The following DEUP1 variants were observed in gnomAD, a reference collection of about 807,000 sequenced individuals.
The protein encoded by DEUP1 is coiled-coil domain containing 67.
In DEUP1, 82 loss-of-function variants were observed where a neutral mutation model predicts 87.4. The observed-to-expected ratio is 0.94, with a 90% CI of 0.78 to 1.13. The LOEUF (loss-of-function observed/expected upper bound fraction) is 1.13, where lower values mean the gene tolerates loss of function less well. Among genes scored for constraint, DEUP1 ranks in the 50% most tolerant of loss-of-function variants. The pLI is 0.00. For missense variants in DEUP1, 663 were observed against 681.5 expected (o/e 0.97, Z 0.30); for synonymous variants, 214 against 222.7 (o/e 0.96, Z 0.35).
chr11:93,385,996 T>G (rs372222926), intron 8 of DEUP1, among the ~76,000 whole-genome samples: 26 of 151,682 alleles, frequency 1.7e-4, no homozygotes, highest in African/African-American at 4.4e-4. Context: ...AAGGTTGCAG[T>G]GAGCTGTGAT....
In DEUP1 at chr11:93,416,750, C is replaced by A. The variant is rs944448286; in HGVS notation, c.1638+1636C>A. Reference sequence around the variant, plus strand: ...AAATAAGAGAATTTTAGACCAATATCCTTGATAAACATTGATGCAAAAATC... The same window carrying A: ...AAATAAGAGAATTTTAGACCAATATACTTGATAAACATTGATGCAAAAATC... On this transcript the variant is annotated intron_variant, in intron 13 of 13. Transcript: ENST00000298050. 4.6e-5 allele frequency among the ~76,000 whole-genome samples: 7 copies of A among 151,222 alleles called. No homozygotes were observed. In the South Asian group the frequency reaches 1.5e-3, roughly 32 times the overall value.
At chr11:93,357,706 T>A (rs1259483087) in intron 4 of DEUP1, among the ~76,000 whole-genome samples, 2 of 152,186 alleles carry the variant, frequency 1.3e-5, no homozygotes, top group Non-Finnish European at 2.9e-5. Flanking sequence ...GGTTTGATTA[T>A]GAAATTTTAC....
At chr11:93,344,468 C>T (rs1160511089) in intron 2 of DEUP1, among the ~76,000 whole-genome samples, 2 of 151,658 alleles carry the variant, frequency 1.3e-5, no homozygotes, top group South Asian at 2.1e-4. Flanking sequence ...ATGACATAGT[C>T]TCCTGTCTCT....
At chr11:93,348,086 T>C (rs1337131860) in intron 2 of DEUP1, among the ~76,000 whole-genome samples, 1 of 152,156 alleles carries the variant, frequency 6.6e-6, no homozygotes, top group East Asian at 1.9e-4. Flanking sequence ...GATGTATGTG[T>C]CCAGAAATTA....
Position 93,355,544 on chromosome 11 carries a change from T to TACTG in DEUP1, c.201+4_201+7dup, listed in dbSNP as rs766618413. The TACTG allele has an allele frequency of 8.1e-6, 13 of 1,611,354 alleles. No individual in the cohort carries two copies. The African/African-American group carries it at 1.2e-4, about 15-fold the overall frequency. On this transcript the variant is annotated splice_region_variant and intron_variant, in intron 3 of 13. Transcript: ENST00000298050. ...TGTTTGGATCAGAAAGGTCAAGAGG[T>TACTG]ACTGAATACATATGTTAACAAATTG...
intron 13 of DEUP1, among the ~76,000 whole-genome samples, chr11:93,426,994 T>TAAAAAAAAAA (rs1157644297): frequency 1.4e-3 from 4 of 2,912 alleles, no homozygotes; most frequent in African/African-American, 4.6e-3. Context: ...TAGAGTATAA[T>TAAAAAAAAAA]AAAAAAAAAA....
At chr11:93,336,512 A>G (rs2134148110) in intron 2 of DEUP1, among the ~76,000 whole-genome samples, 1 of 152,282 alleles carries the variant, frequency 6.6e-6, no homozygotes, top group South Asian at 2.1e-4. Context: ...TCTCAGGCTA[A>G]TCAGATTCCA....
At chr11:93,378,327 G>T (rs1946138113) in intron 7 of DEUP1, among the ~76,000 whole-genome samples, 1 of 151,950 alleles carries the variant, frequency 6.6e-6, no homozygotes, top group African/African-American at 2.4e-5. Context: ...GTCTTTGTCA[G>T]ATTGGGTTAA....
Position 93,437,775 on chromosome 11 carries a change from C to A in DEUP1, c.*56C>A. 1.2e-6 allele frequency: 1 copy of A among 846,392 alleles called. No homozygotes were observed. Among genetic ancestry groups the A allele is most frequent in the South Asian group, 1.5e-5 (1 of 66,324 alleles). 52.4% of individuals were successfully genotyped at this position (846,392 alleles called of 1,614,324 possible). ...CCCACCCCCGCCAAGAAAAAAAGCT[C>A]TGGCAAAATATTTACAAAGCTGATT... On this transcript the variant is annotated 3_prime_UTR_variant, in exon 14 of 14. Transcript: ENST00000298050.
intron 7 of DEUP1, 50 bp from the exon 8 acceptor site, chr11:93,385,348 C>T (rs752035584): frequency 5.7e-6 from 9 of 1,571,836 alleles, no homozygotes; most frequent in Admixed American, 1.7e-5. Context: ...ATGCATTGTA[C>T]GTTATGATAA....
chr11:93,338,404 C>CTTTT, intron 2 of DEUP1, among the ~76,000 whole-genome samples: 1 of 139,598 alleles, frequency 7.2e-6, no homozygotes, highest in Admixed American at 7.3e-5. Flanking sequence ...ATGCAGTCAA[C>CTTTT]TTTTTTTTTT....
At chr11:93,336,008 G>A (rs1943743034) in intron 2 of DEUP1, among the ~76,000 whole-genome samples, 1 of 152,178 alleles carries the variant, frequency 6.6e-6, no homozygotes, top group Non-Finnish European at 1.5e-5. Context: ...AGCTACTCAG[G>A]AGGCTGAGGC....
chr11:93,418,820 G>A (rs1947750328), intron 13 of DEUP1, among the ~76,000 whole-genome samples: 1 of 152,024 alleles, frequency 6.6e-6, no homozygotes, highest in Non-Finnish European at 1.5e-5. Context: ...AAGAAAATGT[G>A]GCACATATAC....
chr11:93,415,292 A>C (rs1947577977), intron 13 of DEUP1, 178 bp downstream of exon 13: 3 of 361,860 alleles, frequency 8.3e-6, no homozygotes, highest in Admixed American at 4.5e-5. Context: ...AGGAAAAGAT[A>C]TCCATAATAT....
intron 1 of DEUP1, among the ~76,000 whole-genome samples, chr11:93,331,200 G>T (rs1268087660): frequency 6.6e-6 from 1 of 152,038 alleles, no homozygotes; most frequent in Non-Finnish European, 1.5e-5. Context: ...AAAACTCTTC[G>T]ATTTGGAAGT....
chr11:93,358,342 G>T (rs1303187806), intron 4 of DEUP1, among the ~76,000 whole-genome samples: 1 of 152,094 alleles, frequency 6.6e-6, no homozygotes, highest in African/African-American at 2.4e-5. Flanking sequence ...CTGGTTTTCA[G>T]TGCTAACCAA....
intron 1 of DEUP1, among the ~76,000 whole-genome samples, chr11:93,331,348 T>C (rs552021556): frequency 5.2e-4 from 78 of 150,882 alleles, no homozygotes; most frequent in African/African-American, 1.6e-3. Flanking sequence ...TTAACTAAAA[T>C]TGTGTTACTG....
intron 8 of DEUP1, among the ~76,000 whole-genome samples, chr11:93,387,744 C>A (rs1946628716): frequency 6.6e-6 from 1 of 151,850 alleles, no homozygotes; most frequent in Admixed American, 6.6e-5. Flanking sequence ...TCACTCATTT[C>A]AAATTATAGG....
intron 2 of DEUP1, among the ~76,000 whole-genome samples, chr11:93,346,282 G>A (rs771925550): frequency 2.0e-5 from 3 of 152,130 alleles, no homozygotes; most frequent in East Asian, 1.9e-4. Context: ...TTGAATTCAG[G>A]GCACAATCTT....
Sources: allele counts gnomAD v4.1 joint callset (sites outside exome capture counted in the v4.1 genomes callset), GRCh38; gene constraint gnomAD v4.1.1; transcripts MANE v1.5; gene names NCBI Gene and HGNC (gene_info 2026-07-23, HGNC 2026-07-21).